Variants in ERC1 observed in about 807,000 individuals in gnomAD.
The protein encoded by ERC1 is RAB6 interacting protein 2.
ERC1 carries 56 observed loss-of-function variants against 132.0 expected under a neutral mutation model. The observed-to-expected ratio is 0.42, with a 90% CI of 0.34 to 0.53. ERC1 has a LOEUF of 0.53. ERC1 is among the 20% of genes least tolerant of loss of function. The probability of loss-of-function intolerance (pLI) is 0.03; values close to 1 mark genes in which losing one functional copy is unlikely to be tolerated. For synonymous variants in ERC1, 478 were observed against 476.1 expected (o/e 1.00, Z -0.05); for missense variants, 1,202 against 1,349.9 (o/e 0.89, Z 1.72).
At chr12:1,333,108 C>G (rs994595004) in intron 15 of ERC1, among the ~76,000 whole-genome samples, 9 of 132,900 alleles carry the variant, frequency 6.8e-5, no homozygotes, top group African/African-American at 8.8e-5. Context: ...CTCTCACCCC[C>G]CCTCCTCCAT....
intron 12 of ERC1, among the ~76,000 whole-genome samples, chr12:1,233,631 A>G (rs188058143): frequency 6.7e-4 from 102 of 152,284 alleles, no homozygotes; most frequent in Middle Eastern, 3.4e-3. Flanking sequence ...TTCAGTATCA[A>G]AACAAACAAA....
At chr12:1,341,625 C>T (rs1220537372) in intron 15 of ERC1, among the ~76,000 whole-genome samples, 1 of 136,142 alleles carries the variant, frequency 7.3e-6, no homozygotes, top group African/African-American at 2.8e-5. Context: ...AACACATGGA[C>T]ACAGGGAGGG....
At chr12:1,229,345 T>C (rs1485004575) in intron 12 of ERC1, among the ~76,000 whole-genome samples, 2 of 152,056 alleles carry the variant, frequency 1.3e-5, no homozygotes, top group African/African-American at 4.8e-5. Context: ...TACAAAAAAA[T>C]AAAAAATTAA....
intron 13 of ERC1, among the ~76,000 whole-genome samples, 168 bp downstream of exon 13, chr12:1,237,072 A>T (rs2075467905): frequency 6.6e-6 from 1 of 152,208 alleles, no homozygotes; most frequent in Non-Finnish European, 1.5e-5. Context: ...TTTAAGTAGA[A>T]AATGCAAGTT....
At chr12:1,120,785 A>C (rs997097648) in intron 7 of ERC1, among the ~76,000 whole-genome samples, 1 of 152,166 alleles carries the variant, frequency 6.6e-6, no homozygotes, top group Non-Finnish European at 1.5e-5. Flanking sequence ...TATCTTAGTA[A>C]TAGTAAGAGG....
intron 17 of ERC1, chr12:1,410,602 G>A: frequency 4.0e-6 from 1 of 251,388 alleles, no homozygotes; most frequent in Non-Finnish European, 7.9e-6. Context: ...ATTCTTGTGT[G>A]TGTTGCTGTG....
At chr12:1,095,219 C>T (rs1943859230) in intron 3 of ERC1, among the ~76,000 whole-genome samples, 1 of 151,976 alleles carries the variant, frequency 6.6e-6, no homozygotes, top group Non-Finnish European at 1.5e-5. Context: ...CACTTGAGGT[C>T]AGGAGTTCAA....
intron 2 of ERC1, among the ~76,000 whole-genome samples, chr12:1,049,088 G>GT (rs1971503360): frequency 6.6e-6 from 1 of 152,054 alleles, no homozygotes; most frequent in South Asian, 2.1e-4. Flanking sequence ...ATGGTGTTTG[G>GT]TTTTTTAAAA....
chr12:1,014,368 G>T (rs1326661373), intron 1 of ERC1, among the ~76,000 whole-genome samples: 1 of 151,930 alleles, frequency 6.6e-6, no homozygotes, highest in Non-Finnish European at 1.5e-5. Context: ...TAGAGACGGG[G>T]TTTCACCATG....
At chr12:1,041,438 C>T (rs1195342899) in intron 2 of ERC1, among the ~76,000 whole-genome samples, 1 of 152,102 alleles carries the variant, frequency 6.6e-6, no homozygotes, top group Admixed American at 6.6e-5. Flanking sequence ...AACTCCTGAC[C>T]TCAGGTGATC....
intron 7 of ERC1, among the ~76,000 whole-genome samples, chr12:1,131,484 C>T (rs1566043849): frequency 6.6e-6 from 1 of 152,044 alleles, no homozygotes; most frequent in East Asian, 1.9e-4. Context: ...TTAATTGAGG[C>T]AGAGTCTCTC....
intron 17 of ERC1, among the ~76,000 whole-genome samples, chr12:1,441,311 T>TTG: frequency 1.3e-5 from 2 of 152,048 alleles, no homozygotes; most frequent in African/African-American, 2.4e-5. Flanking sequence ...TCTACCCGCC[T>TTG]CAGCCTCCCA....
intron 15 of ERC1, 56 bp downstream of exon 15, chr12:1,290,068 C>T: frequency 6.8e-7 from 1 of 1,475,062 alleles, no homozygotes; most frequent in Non-Finnish European, 9.4e-7. Flanking sequence ...TACTTTTTCT[C>T]CCTGCATTCA....
intron 15 of ERC1, among the ~76,000 whole-genome samples, chr12:1,297,052 T>C (rs1378007826): frequency 1.3e-5 from 2 of 151,900 alleles, no homozygotes; most frequent in Non-Finnish European, 2.9e-5. Context: ...AGAAATACCA[T>C]AGTCCAGTTG....
chr12:1,100,014 A>T (rs1358818043), intron 3 of ERC1, among the ~76,000 whole-genome samples: 1 of 151,438 alleles, frequency 6.6e-6, no homozygotes, highest in African/African-American at 2.4e-5. Flanking sequence ...GGCCCAGCTA[A>T]TTTTTTTGTA....
chr12:1,141,200 A>T (rs1949832479), intron 7 of ERC1, among the ~76,000 whole-genome samples: 1 of 152,180 alleles, frequency 6.6e-6, no homozygotes, highest in Non-Finnish European at 1.5e-5. Flanking sequence ...GTTGTTTTTC[A>T]TAAAAGCCTC....
chr12:1,219,857 A>G (rs1403401097), intron 12 of ERC1, among the ~76,000 whole-genome samples: 1 of 152,076 alleles, frequency 6.6e-6, no homozygotes, highest in Non-Finnish European at 1.5e-5. Flanking sequence ...GAGTACAGGC[A>G]TGAGCCACCG....
At chr12:1,066,836 C>CAAAA (rs35134824) in intron 2 of ERC1, among the ~76,000 whole-genome samples, 1 of 130,220 alleles carries the variant, frequency 7.7e-6, no homozygotes, top group East Asian at 2.2e-4. Flanking sequence ...GACTCTGTCT[C>CAAAA]AAAAAAAAAA....
At chr12:1,436,988 GTACTTA>G (rs150159380) in intron 17 of ERC1, among the ~76,000 whole-genome samples, 4,110 of 150,900 alleles carry the variant, frequency 0.027, 206 homozygotes, top group African/African-American at 0.095. Flanking sequence ...ATATATATAT[GTACTTA>G]TACTTAACTC....
Sources: allele counts gnomAD v4.1 joint callset (sites outside exome capture counted in the v4.1 genomes callset), GRCh38; gene constraint gnomAD v4.1.1; transcripts MANE v1.5; gene names NCBI Gene and HGNC (gene_info 2026-07-23, HGNC 2026-07-21).